TFDP2: variants seen among roughly 807,000 people sequenced by gnomAD.
TFDP2 encodes the protein transcription factor Dp-2.
TFDP2 carries 17 observed loss-of-function variants against 59.3 expected under a neutral mutation model. The ratio of observed to expected loss-of-function variants is 0.29; its 90% CI spans 0.20 to 0.43. TFDP2 has a LOEUF of 0.43. TFDP2 is among the 20% of genes least tolerant of loss of function. The pLI, the probability that TFDP2 is intolerant of heterozygous loss-of-function variation, is 1.00. For missense variants in TFDP2, 391 were observed against 528.8 expected (o/e 0.74, Z 2.56); for synonymous variants, 180 against 194.7 (o/e 0.92, Z 0.63).
chr3:142,132,737 G>A (rs1577057937), intron 1 of TFDP2, among the ~76,000 whole-genome samples: 1 of 130,602 alleles, frequency 7.7e-6, no homozygotes, highest in Non-Finnish European at 1.5e-5. Context: ...AGATTAAGAC[G>A]CTATCTCAAA....
intron 3 of TFDP2, among the ~76,000 whole-genome samples, chr3:142,075,624 G>A (rs545668858): frequency 3.3e-5 from 5 of 151,504 alleles, no homozygotes; most frequent in African/African-American, 7.3e-5. Context: ...GGCCACACAT[G>A]GTGTCTCATG....
At chr3:141,955,904 T>C (rs926111439) in intron 11 of TFDP2, among the ~76,000 whole-genome samples, 1 of 152,116 alleles carries the variant, frequency 6.6e-6, no homozygotes, top group African/African-American at 2.4e-5. Context: ...GCCTCCCAGG[T>C]TCAAGTGATT....
At chr3:142,044,466 C>G (rs1947223600) in intron 3 of TFDP2, among the ~76,000 whole-genome samples, 1 of 151,992 alleles carries the variant, frequency 6.6e-6, no homozygotes, top group South Asian at 2.1e-4. Context: ...GATCTGTTGA[C>G]CTCATGATCT....
chr3:142,132,086 C>T (rs1303652479), intron 1 of TFDP2, among the ~76,000 whole-genome samples: 1 of 147,162 alleles, frequency 6.8e-6, no homozygotes. Context: ...AAAAAGTATA[C>T]ATAATCCAAA....
chr3:141,965,547 AAGGGGAAGGGGG>A (rs1416135469), intron 9 of TFDP2, among the ~76,000 whole-genome samples: 2 of 131,450 alleles, frequency 1.5e-5, no homozygotes, highest in Non-Finnish European at 3.3e-5. Flanking sequence ...AAGGGAGGGG[AAGGGGAAGGGGG>A]AGGGGAAGGG....
chr3:142,017,268 G>T (rs1419244264), intron 3 of TFDP2, among the ~76,000 whole-genome samples: 2 of 152,024 alleles, frequency 1.3e-5, no homozygotes, highest in Admixed American at 1.3e-4. Context: ...CAACAATAGG[G>T]GCTTTGTCAT....
intron 1 of TFDP2, among the ~76,000 whole-genome samples, chr3:142,145,868 G>A (rs531613813): frequency 6.6e-6 from 1 of 151,996 alleles, no homozygotes; most frequent in Non-Finnish European, 1.5e-5. Flanking sequence ...TTTTAGTAAG[G>A]CAACTGTCAA....
chr3:141,988,926 A>C (rs1406066420), intron 6 of TFDP2: 1 of 152,208 alleles, frequency 6.6e-6, no homozygotes, highest in Non-Finnish European at 1.5e-5. Flanking sequence ...CTGGGATTAC[A>C]GGCCTGAGCC....
intron 4 of TFDP2, among the ~76,000 whole-genome samples, chr3:142,001,699 A>C (rs1943786115): frequency 6.6e-6 from 1 of 152,098 alleles, no homozygotes; most frequent in Admixed American, 6.6e-5. Flanking sequence ...CTCTCTTCTC[A>C]CATTTTACTA....
chr3:141,985,062 T>C (rs982991968), intron 6 of TFDP2, among the ~76,000 whole-genome samples: 4 of 152,162 alleles, frequency 2.6e-5, no homozygotes, highest in Non-Finnish European at 5.9e-5. Context: ...ACCTTCAGAA[T>C]AGGTATGCCT....
intron 3 of TFDP2, among the ~76,000 whole-genome samples, chr3:142,081,527 A>G (rs1044722017): frequency 1.3e-5 from 2 of 152,184 alleles, no homozygotes; most frequent in Admixed American, 6.5e-5. Context: ...GAAACAATGC[A>G]AAAGATCAAT....
At chr3:142,017,434 C>A (rs1945215910) in intron 3 of TFDP2, among the ~76,000 whole-genome samples, 1 of 152,138 alleles carries the variant, frequency 6.6e-6, no homozygotes, top group Non-Finnish European at 1.5e-5. Context: ...GAGTCTCCTG[C>A]CATCCCGAAT....
At chr3:142,079,584 G>C (rs1407313944) in intron 3 of TFDP2, among the ~76,000 whole-genome samples, 1 of 152,024 alleles carries the variant, frequency 6.6e-6, no homozygotes, top group Non-Finnish European at 1.5e-5. Flanking sequence ...ACTACCTCAA[G>C]GGATTTAATA....
rs1164918126 is a variant in TFDP2, at chr3:141,946,798, G to A, written c.*5715C>T. 6.6e-6 allele frequency: 1 copy of A among 152,232 alleles called. No homozygotes were observed. The highest frequency in any genetic ancestry group is 1.5e-5 in the Non-Finnish European group (1 of 68,072). The allele number at this position is 152,232 out of a possible 1,614,324, so 9.4% of individuals were successfully genotyped here. ...TAATCCCAGCACTTTGGGAGGCCGA[G>A]GCAGGCAGATCACATGGTTAGAAGT... On this transcript the variant is annotated 3_prime_UTR_variant, in exon 13 of 13. Transcript: ENST00000489671.
chr3:142,017,320 C>A (rs1347270345), intron 3 of TFDP2, among the ~76,000 whole-genome samples: 1 of 152,124 alleles, frequency 6.6e-6, no homozygotes, highest in Non-Finnish European at 1.5e-5. Context: ...CACTAGCATA[C>A]AGCAGAGCTT....
chr3:142,116,720 T>G (rs1413290770), intron 1 of TFDP2, among the ~76,000 whole-genome samples: 2 of 152,214 alleles, frequency 1.3e-5, no homozygotes, highest in East Asian at 3.8e-4. Flanking sequence ...TTTTGAGTTT[T>G]TTCTCTGTTT....
At chr3:141,964,573 A>AG (rs1937659254) in intron 9 of TFDP2, among the ~76,000 whole-genome samples, 1 of 152,178 alleles carries the variant, frequency 6.6e-6, no homozygotes, top group Non-Finnish European at 1.5e-5. Flanking sequence ...GATTGTTTGA[A>AG]TCCAGGAGGC....
chr3:142,053,306 A>G (rs1947739600), intron 3 of TFDP2, among the ~76,000 whole-genome samples: 1 of 152,076 alleles, frequency 6.6e-6, no homozygotes, highest in Non-Finnish European at 1.5e-5. Context: ...TGTCATCCCT[A>G]TGGTAATGAG....
chr3:142,088,099 T>C (rs150151172), intron 3 of TFDP2, among the ~76,000 whole-genome samples: 1 of 152,232 alleles, frequency 6.6e-6, no homozygotes, highest in South Asian at 2.1e-4. Flanking sequence ...AGGGACTTTG[T>C]TCTATTCCTT....
Sources: gnomAD v4.1 joint callset for allele counts (sites outside exome capture counted in the v4.1 genomes callset) on GRCh38, gnomAD v4.1.1 for gene constraint, MANE v1.5 for transcripts, NCBI Gene and HGNC (gene_info 2026-07-23, HGNC 2026-07-21) for gene names.